YEATS2: variants seen among roughly 807,000 people sequenced by gnomAD.
The protein encoded by YEATS2 is YEATS domain containing 2, also known as YEATS domain-containing protein 2.
Under a neutral mutation model 163.2 loss-of-function variants are expected in YEATS2, and 77 were observed. The ratio of observed to expected loss-of-function variants is 0.47; its 90% CI spans 0.39 to 0.57. The LOEUF (loss-of-function observed/expected upper bound fraction) is 0.57. Ranked by LOEUF, YEATS2 falls within the 20% of genes least tolerant of loss-of-function variation. YEATS2 has a pLI of 0.00. For missense variants in YEATS2, 1,549 were observed against 1,729.8 expected (o/e 0.90, Z 1.85); for synonymous variants, 631 against 645.1 (o/e 0.98, Z 0.33).
chr3:183,704,713 TC>T (rs1714446312), intron 1 of YEATS2, among the ~76,000 whole-genome samples: 1 of 151,958 alleles, frequency 6.6e-6, no homozygotes, highest in Non-Finnish European at 1.5e-5. Context: ...CACTGCAACC[TC>T]CACTTCCTGG....
At chr3:183,774,787 G>A (rs1340124382) in intron 17 of YEATS2, among the ~76,000 whole-genome samples, 2 of 152,184 alleles carry the variant, frequency 1.3e-5, no homozygotes, top group East Asian at 3.9e-4. Context: ...CATCATCCTT[G>A]CGTTCATTGA....
Position 183,795,003 on chromosome 3 carries a change from C to CT in YEATS2, c.3098-2918dup, listed in dbSNP as rs10663229. ...TGGGCAATGTGACAAGACCCCATTT[C>CT]TTAAAAAAAAAAAAAATTAGCTGGG... is the stretch of plus-strand genomic sequence containing the variant. On this transcript the variant is annotated intron_variant, in intron 21 of 30. Transcript: ENST00000305135. Among the ~76,000 whole-genome samples, 1,580 of 102,922 alleles carry CT rather than the reference C, an allele frequency of 0.015. 64 individuals carry two copies. The East Asian group carries it at 0.21, about 14-fold the overall frequency. The allele number at this position is 102,922 out of a possible 152,430, so 67.5% of individuals were successfully genotyped here.
intron 4 of YEATS2, 108 bp from the exon 5 acceptor site, chr3:183,721,783 G>C: frequency 6.9e-7 from 1 of 1,439,184 alleles, no homozygotes; most frequent in East Asian, 2.3e-5. Flanking sequence ...GATTTTGAAA[G>C]ATTTTAAGCA....
chr3:183,715,990 T>C (rs1253449336), intron 2 of YEATS2, among the ~76,000 whole-genome samples: 3 of 152,174 alleles, frequency 2.0e-5, no homozygotes, highest in Admixed American at 6.6e-5. Flanking sequence ...GACAGAGTCT[T>C]GCTCTGTCCC....
rs190914368 is a variant in YEATS2 at position 183,783,686 on chromosome 3, A to G, written c.2737-2439A>G. Among the ~76,000 whole-genome samples, 6 of 152,232 alleles carry G rather than the reference A, an allele frequency of 3.9e-5. No homozygotes were observed. The South Asian group carries it at 8.3e-4, about 21-fold the overall frequency. ...GTCCTGCATTCATTCACTTAGGATA[A>G]TGGCCTCCAGCTGCATCTGTGTTGC... On this transcript the variant is annotated intron_variant, in intron 19 of 30. Coordinates refer to ENST00000305135, the MANE Select transcript of YEATS2 (RefSeq NM_018023.5).
At chr3:183,698,022 C>G (rs958465548) in intron 1 of YEATS2, 29 bp downstream of exon 1, 1 of 151,958 alleles carries the variant, frequency 6.6e-6, no homozygotes, top group Non-Finnish European at 1.5e-5. Context: ...AGGAAGGGAC[C>G]GGCCGGGAGC....
chr3:183,795,358 G>A (rs979581638), intron 21 of YEATS2, among the ~76,000 whole-genome samples: 3 of 151,316 alleles, frequency 2.0e-5, no homozygotes, highest in African/African-American at 7.3e-5. Context: ...CATGATCATA[G>A]CTCATTGTAG....
intron 7 of YEATS2, among the ~76,000 whole-genome samples, chr3:183,733,152 T>C (rs1452395084): frequency 6.6e-6 from 1 of 152,250 alleles, no homozygotes; most frequent in Non-Finnish European, 1.5e-5. Flanking sequence ...TGATACTGAG[T>C]GAATTATTGA....
At chr3:183,760,121 A>G (rs1470325919) in intron 13 of YEATS2, among the ~76,000 whole-genome samples, 2 of 152,190 alleles carry the variant, frequency 1.3e-5, no homozygotes. Flanking sequence ...AGTTCTGTGC[A>G]GTGTGTTGGC....
At position 183,736,803 on chromosome 3, in the gene YEATS2, C is replaced by T. The variant is rs201829229; in HGVS notation, c.898C>T (p.Arg300Trp). The T allele has an allele frequency of 3.4e-5, 55 of 1,613,482 alleles. No individual in the cohort carries two copies. The highest frequency in any genetic ancestry group is 1.8e-4 in the Admixed American group (11 of 59,936). ...TCATTTTAAGGACAGCCAGAACAAG[C>T]GGATAGATATCATACATAATCTGAA... is the stretch of plus-strand genomic sequence containing the variant. ...QVHFKDSQNK[R>W]IDIIHNLKLD... Residue 300 changes from arginine (R) to tryptophan (W), a missense_variant, in exon 8 of 31, where the codon CGG becomes TGG. Physicochemically the swap from Arg to Trp is moderately radical, Grantham distance 101 (BLOSUM62 -3). Transcript: ENST00000305135.
chr3:183,802,022 G>A (rs899471443), intron 25 of YEATS2: 2 of 155,842 alleles, frequency 1.3e-5, no homozygotes, highest in African/African-American at 4.8e-5. Flanking sequence ...TACAAACCTG[G>A]TTCTGTTTGA....
In YEATS2 at chr3:183,736,764, G is replaced by A. The variant is rs200810151; in HGVS notation, c.859G>A (p.Val287Ile). 3.8e-5 allele frequency: 61 copies of A among 1,613,772 alleles called. No homozygotes were observed. Among genetic ancestry groups the A allele is most frequent in the African/African-American group, 3.3e-4 (25 of 74,884 alleles). ...CAGAAGAGGCTGGGGTGAGTTTCCC[G>A]TCAGAGTTCAAGTTCATTTTAAGGA... ...LTRRGWGEFP[V>I]RVQVHFKDSQ... Residue 287 changes from valine (V) to isoleucine (I), a missense_variant, in exon 8 of 31, where the codon GTC (valine) becomes ATC (isoleucine). Transcript: ENST00000305135.
In YEATS2 at chr3:183,699,238, G is replaced by A. The variant is rs149702888; in HGVS notation, c.-20+1245G>A. Among the ~76,000 whole-genome samples, 313 of 152,194 alleles carry A rather than the reference G, an allele frequency of 2.1e-3. 2 individuals are homozygous for A. The highest frequency in any genetic ancestry group is 7.4e-3 in the African/African-American group (306 of 41,548). ...TTTGATTTTTGTTTTGAGCAACTGAGTAGGTGGTGGTGCTGTTTACTGAGA... is the reference window on the plus strand; with the variant it reads ...TTTGATTTTTGTTTTGAGCAACTGAATAGGTGGTGGTGCTGTTTACTGAGA... On this transcript the variant is annotated intron_variant, in intron 1 of 30. Coordinates refer to ENST00000305135, the MANE Select transcript of YEATS2 (RefSeq NM_018023.5).
intron 22 of YEATS2, among the ~76,000 whole-genome samples, chr3:183,798,309 A>G (rs1428727309): frequency 2.0e-5 from 3 of 152,132 alleles, no homozygotes; most frequent in East Asian, 1.9e-4. Flanking sequence ...TTGAGGGGGA[A>G]CATTTTAAGT....
At position 183,719,069 on chromosome 3, in the gene YEATS2, A is replaced by C. The variant is rs561024092; in HGVS notation, c.291+477A>C. ...TCCTGGGAATATACATAGACTATAC[A>C]TAGACTTATCAGTCATTGTGTTCAA... On this transcript the variant is annotated intron_variant, in intron 4 of 30. Transcript: ENST00000305135. Among the ~76,000 whole-genome samples the C allele has an allele frequency of 2.6e-5, 4 of 152,038 alleles. No individual in the cohort carries two copies. The South Asian group carries it at 8.3e-4, about 32-fold the overall frequency.
At chr3:183,798,870 T>G in intron 22 of YEATS2, 21 bp from the exon 23 acceptor site, 3 of 1,571,164 alleles carry the variant, frequency 1.9e-6, no homozygotes, top group Non-Finnish European at 2.6e-6. Context: ...GTTATATCCC[T>G]CCCTCCTTTT....
At position 183,782,419 on chromosome 3, in the gene YEATS2, T is replaced by G. The variant is rs536481436; in HGVS notation, c.2737-3706T>G. ...CCACCGCGCCTGGCCAATTCTTGAG[T>G]TTTTTAATTTTTTTATTTTTTGAGA... On this transcript the variant is annotated intron_variant, in intron 19 of 30. Coordinates refer to ENST00000305135, the MANE Select transcript of YEATS2 (RefSeq NM_018023.5). Among the ~76,000 whole-genome samples the G allele has an allele frequency of 6.8e-4, 102 of 150,962 alleles. No homozygotes were observed. In the Middle Eastern group the frequency reaches 0.014, roughly 20 times the overall value.
chr3:183,769,225 C>A (rs1483274045), intron 15 of YEATS2, among the ~76,000 whole-genome samples: 2 of 152,078 alleles, frequency 1.3e-5, no homozygotes, highest in African/African-American at 4.8e-5. Flanking sequence ...AATTTATCTC[C>A]CTGGAATATT....
Position 183,715,212 on chromosome 3 carries a change from A to T in YEATS2, c.50A>T (p.Asp17Val). Residue 17 changes from aspartate (D) to valine (V), a missense_variant, in exon 2 of 31, where the codon GAT becomes GTT. Coordinates refer to ENST00000305135, the MANE Select transcript of YEATS2 (RefSeq NM_018023.5). ...AAAGAAACCGACCCTGATTACGAGG[A>T]TGTATCTGTGGCCCTTCCAAATAAG... Reference protein sequence around the residue: ...TIKETDPDYEDVSVALPNKRH... With the variant: ...TIKETDPDYEVVSVALPNKRH... 6.2e-7 allele frequency: 1 copy of T among 1,612,780 alleles called. No homozygotes were observed. Among genetic ancestry groups the T allele is most frequent in the South Asian group, 1.1e-5 (1 of 91,046 alleles).
Sources: allele counts gnomAD v4.1 joint callset (sites outside exome capture counted in the v4.1 genomes callset), GRCh38; gene constraint gnomAD v4.1.1; transcripts MANE v1.5; gene names NCBI Gene and HGNC (gene_info 2026-07-23, HGNC 2026-07-21).